MTUS2: variants seen among roughly 807,000 people sequenced by gnomAD.
MTUS2 encodes microtubule-associated tumor suppressor candidate 2.
Under a neutral mutation model 114.1 loss-of-function variants are expected in MTUS2, and 40 were observed. The observed-to-expected ratio is 0.35, with a 90% CI of 0.27 to 0.46. The LOEUF (loss-of-function observed/expected upper bound fraction) is 0.46, where lower values mean the gene tolerates loss of function less well. MTUS2 is among the 20% of genes least tolerant of loss of function. The probability of loss-of-function intolerance (pLI) is 1.00; values close to 1 mark genes in which losing one functional copy is unlikely to be tolerated. For synonymous variants in MTUS2, 688 were observed against 672.0 expected, an observed-to-expected ratio of 1.02 and a Z score of -0.37; for missense variants, 1,679 against 1,705.4, an observed-to-expected ratio of 0.98 and a Z score of 0.27.
At chr13:28,904,195 TC>T (rs1203524265) in intron 2 of MTUS2, among the ~76,000 whole-genome samples, 6 of 152,206 alleles carry the variant, frequency 3.9e-5, no homozygotes, top group Non-Finnish European at 4.4e-5. Context: ...GAAAATTTTC[TC>T]CCATTCTGTA....
intron 5 of MTUS2, among the ~76,000 whole-genome samples, chr13:29,187,034 G>A (rs1894253357): frequency 6.6e-6 from 1 of 151,870 alleles, no homozygotes; most frequent in Non-Finnish European, 1.5e-5. Flanking sequence ...GAAATCACAA[G>A]GGAAAAATTT....
At chr13:29,396,088 G>A (rs766571699) in intron 8 of MTUS2, among the ~76,000 whole-genome samples, 4 of 152,140 alleles carry the variant, frequency 2.6e-5, no homozygotes, top group Non-Finnish European at 4.4e-5. Context: ...CTAAGTCACC[G>A]GCATTTGTTG....
rs536683391 is a variant in MTUS2, at chr13:28,963,535, C to T, written c.-242-60922C>T. Among the ~76,000 whole-genome samples the T allele has an allele frequency of 2.0e-5, 3 of 152,170 alleles. No individual in the cohort carries two copies. The South Asian group carries it at 6.2e-4, about 32-fold the overall frequency. ...CGTGTGTGTATATGCACATGCATGC[C>T]TATATATAGTGTATCTCTGTGTATG... On this transcript the variant is annotated intron_variant, in intron 2 of 15. Transcript: ENST00000612955.
At chr13:29,220,470 C>T (rs1461131233) in intron 5 of MTUS2, among the ~76,000 whole-genome samples, 1 of 152,154 alleles carries the variant, frequency 6.6e-6, no homozygotes, top group Non-Finnish European at 1.5e-5. Context: ...GTGACTCTTC[C>T]TTTTGACTGA....
intron 5 of MTUS2, 106 bp from the exon 6 acceptor site, chr13:29,281,598 G>C (rs1048486446): frequency 7.9e-7 from 1 of 1,269,594 alleles, no homozygotes; most frequent in African/African-American, 1.5e-5. Flanking sequence ...ATCAGGTCAA[G>C]TTCTAAAGCA....
chr13:29,323,740 A>G (rs1900359912), intron 6 of MTUS2, among the ~76,000 whole-genome samples: 1 of 152,198 alleles, frequency 6.6e-6, no homozygotes, highest in South Asian at 2.1e-4. Context: ...TGCTAGTAGC[A>G]GTTACCTCTG....
At chr13:29,005,544 G>C (rs1208143235) in intron 2 of MTUS2, among the ~76,000 whole-genome samples, 1 of 152,126 alleles carries the variant, frequency 6.6e-6, no homozygotes, top group African/African-American at 2.4e-5. Flanking sequence ...GGAGTCGGGA[G>C]GAAGCATATA....
intron 2 of MTUS2, among the ~76,000 whole-genome samples, chr13:28,903,005 A>T (rs1879739318): frequency 6.6e-6 from 1 of 152,158 alleles, no homozygotes; most frequent in South Asian, 2.1e-4. Flanking sequence ...AGTAGTTTAT[A>T]GGGCTGTTCA....
chr13:28,839,419 C>T (rs1299479418), intron 1 of MTUS2, among the ~76,000 whole-genome samples: 3 of 152,116 alleles, frequency 2.0e-5, no homozygotes. Context: ...CTGACAAAAG[C>T]TCTGTCTTAA....
chr13:29,388,839 A>G (rs1430680325), intron 8 of MTUS2, among the ~76,000 whole-genome samples: 1 of 152,076 alleles, frequency 6.6e-6, no homozygotes, highest in Non-Finnish European at 1.5e-5. Flanking sequence ...CTCCCTTGGT[A>G]CATGATTTTT....
At chr13:28,995,858 T>C (rs967351084) in intron 2 of MTUS2, among the ~76,000 whole-genome samples, 1 of 152,216 alleles carries the variant, frequency 6.6e-6, no homozygotes, top group African/African-American at 2.4e-5. Flanking sequence ...ACAATTTCAC[T>C]TCCTCTTTTC....
At chr13:29,123,417 T>G (rs1474277740) in intron 5 of MTUS2, among the ~76,000 whole-genome samples, 1 of 152,178 alleles carries the variant, frequency 6.6e-6, no homozygotes, top group Non-Finnish European at 1.5e-5. Flanking sequence ...TATTTTAATA[T>G]TTAAAACACA....
At chr13:29,031,356 T>C (rs1461677134) in intron 3 of MTUS2, among the ~76,000 whole-genome samples, 2 of 151,928 alleles carry the variant, frequency 1.3e-5, no homozygotes, top group Non-Finnish European at 2.9e-5. Context: ...ATATCTCATA[T>C]GTAGAGACAG....
Position 29,496,867 on chromosome 13 carries a change from A to C in MTUS2, c.3580-371A>C, listed in dbSNP as rs1483903006. 6.6e-6 allele frequency among the ~76,000 whole-genome samples: 1 copy of C among 152,160 alleles called. No homozygotes were observed. The highest frequency in any genetic ancestry group is 1.5e-5 in the Non-Finnish European group (1 of 68,040). ...CTAAATGAGAATACATCTTTGAAAT[A>C]CATTCATCGCGGTCCTTCCCAAAGC... On this transcript the variant is annotated intron_variant, in intron 12 of 15. Coordinates refer to ENST00000612955, the MANE Select transcript of MTUS2 (RefSeq NM_001033602.4). This position sits in a 1 kb window ranked among gnomAD's most constrained non-coding sequence, Gnocchi z 4.3.
intron 11 of MTUS2, among the ~76,000 whole-genome samples, chr13:29,492,306 GTGTGTA>G (rs1228349517): frequency 1.3e-5 from 2 of 151,060 alleles, no homozygotes; most frequent in Non-Finnish European, 3.0e-5. Context: ...TGTGTGGTAG[GTGTGTA>G]TGTGTATGTG....
Position 28,914,859 on chromosome 13 carries a change from T to C in MTUS2, c.-243+75009T>C, listed in dbSNP as rs191638251. 5.3e-5 allele frequency among the ~76,000 whole-genome samples: 8 copies of C among 152,002 alleles called. No homozygotes were observed. The East Asian group carries it at 1.5e-3, about 29-fold the overall frequency. ...TAATCCCCTTCTTGGTCTTTTTTAT[T>C]TTTATTTTTTTAATCTTTGCTTAAA... On this transcript the variant is annotated intron_variant, in intron 2 of 15. Transcript: ENST00000612955.
At position 29,148,548 on chromosome 13, in the gene MTUS2, G is replaced by A. The variant is rs1277856301; in HGVS notation, c.2644+47578G>A. Among the ~76,000 whole-genome samples the A allele has an allele frequency of 2.1e-4, 13 of 63,054 alleles. 2 individuals carry two copies. The Admixed American group carries it at 2.1e-3, about 10-fold the overall frequency. The allele number at this position is 63,054 out of a possible 152,430, so 41.4% of individuals were successfully genotyped here. ...GGCTGGAGTGCAGTGGTGGGACCTC[G>A]GCTCACTGCAAGCTCCGCCTCCCGG... On this transcript the variant is annotated intron_variant, in intron 5 of 15. Transcript: ENST00000612955.
At chr13:29,060,054 T>A (rs1030149175) in intron 4 of MTUS2, among the ~76,000 whole-genome samples, 1 of 152,220 alleles carries the variant, frequency 6.6e-6, no homozygotes, top group East Asian at 1.9e-4. Flanking sequence ...AACAGGAGGC[T>A]GCAGCTGCCA....
intron 2 of MTUS2, among the ~76,000 whole-genome samples, chr13:28,878,510 G>T (rs1878096847): frequency 1.3e-5 from 2 of 152,040 alleles, no homozygotes; most frequent in African/African-American, 4.8e-5. Flanking sequence ...ATAGGCCCTA[G>T]TATGTGTTGT....
Sources: gnomAD v4.1 joint callset for allele counts (sites outside exome capture counted in the v4.1 genomes callset) on GRCh38, gnomAD v4.1.1 for gene constraint, Gnocchi (gnomAD v3.1) non-coding constraint, MANE v1.5 for transcripts, NCBI Gene and HGNC (gene_info 2026-07-23, HGNC 2026-07-21) for gene names.